ABCA1: variants seen among roughly 807,000 people sequenced by gnomAD.
ABCA1 encodes ATP binding cassette subfamily A member 1, also known as phospholipid-transporting ATPase ABCA1.
Under a neutral mutation model 262.5 loss-of-function variants are expected in ABCA1, and 133 were observed. That is an observed-to-expected ratio of 0.51 (90% confidence interval 0.44 to 0.59). The LOEUF (loss-of-function observed/expected upper bound fraction) is 0.59, where lower values mean the gene tolerates loss of function less well. Ranked by LOEUF, ABCA1 falls within the 20% of genes least tolerant of loss-of-function variation. The probability of loss-of-function intolerance (pLI) is 0.00; values close to 1 mark genes in which losing one functional copy is unlikely to be tolerated. For synonymous variants in ABCA1, 1,022 were observed against 1,043.5 expected (o/e 0.98, Z 0.40); for missense variants, 2,452 against 2,777.5 (o/e 0.88, Z 2.63).
intron 40 of ABCA1, among the ~76,000 whole-genome samples, chr9:104,793,611 G>C (rs944900218): frequency 6.6e-6 from 1 of 151,768 alleles, no homozygotes; most frequent in East Asian, 1.9e-4. Context: ...AAAGGCAAAC[G>C]ACCCAAGTAA....
chr9:104,810,522 G>C (rs1230914604), intron 29 of ABCA1, among the ~76,000 whole-genome samples: 1 of 152,080 alleles, frequency 6.6e-6, no homozygotes, highest in Non-Finnish European at 1.5e-5. Flanking sequence ...ATGGATTTTT[G>C]CAAGGGTGGA....
chr9:104,791,317 A>G (rs189109119), intron 43 of ABCA1, among the ~76,000 whole-genome samples: 16 of 152,372 alleles, frequency 1.1e-4, no homozygotes, highest in Admixed American at 1.0e-3. Flanking sequence ...TACTCTGGCA[A>G]AAGGGCATAA....
At chr9:104,803,560 C>T (rs202180259) in intron 32 of ABCA1, among the ~76,000 whole-genome samples, 11 of 152,156 alleles carry the variant, frequency 7.2e-5, no homozygotes, top group African/African-American at 1.9e-4. Flanking sequence ...AACCAATTTA[C>T]AAACCACCTT....
At chr9:104,902,990 T>G (rs1840789261) in intron 2 of ABCA1, among the ~76,000 whole-genome samples, 1 of 152,156 alleles carries the variant, frequency 6.6e-6, no homozygotes, top group African/African-American at 2.4e-5. Context: ...ACGTCTGAGT[T>G]TCAGGGAGTT....
chr9:104,813,860 TAATA>T (rs1279000873), intron 27 of ABCA1, among the ~76,000 whole-genome samples: 1 of 152,230 alleles, frequency 6.6e-6, no homozygotes, highest in East Asian at 1.9e-4. Flanking sequence ...GCAGAAAAGA[TAATA>T]AATACATGGG....
At chr9:104,866,627 A>G (rs955544848) in intron 5 of ABCA1, among the ~76,000 whole-genome samples, 1 of 151,836 alleles carries the variant, frequency 6.6e-6, no homozygotes, top group Non-Finnish European at 1.5e-5. Context: ...GATTACAGGC[A>G]CCCGCCATCA....
intron 8 of ABCA1, 44 bp from the exon 9 acceptor site, chr9:104,840,563 G>C (rs752212181): frequency 6.3e-7 from 1 of 1,584,548 alleles, no homozygotes. Flanking sequence ...GGGGAAGGGA[G>C]AAAAGGGCAG....
chr9:104,813,274 T>G (rs1240145689), intron 27 of ABCA1, among the ~76,000 whole-genome samples: 4 of 152,226 alleles, frequency 2.6e-5, no homozygotes, highest in Non-Finnish European at 5.9e-5. Flanking sequence ...TTCCTAAAAA[T>G]TTTCTAGAAA....
chr9:104,787,717 T>C (rs1829050246), intron 46 of ABCA1: 1 of 445,764 alleles, frequency 2.2e-6, no homozygotes, highest in South Asian at 9.6e-5. Flanking sequence ...GGAGTGCCTC[T>C]ATTTGGGAGC....
chr9:104,818,327 GT>G (rs1422528804), intron 23 of ABCA1, among the ~76,000 whole-genome samples: 2 of 152,182 alleles, frequency 1.3e-5, no homozygotes, highest in Non-Finnish European at 2.9e-5. Context: ...AGATTGAAAA[GT>G]AATGAGCAGG....
At chr9:104,850,812 C>T (rs1835313629) in intron 7 of ABCA1, among the ~76,000 whole-genome samples, 1 of 152,236 alleles carries the variant, frequency 6.6e-6, no homozygotes, top group African/African-American at 2.4e-5. Context: ...TAACCAAAAA[C>T]ATTCTCTTGG....
intron 1 of ABCA1, among the ~76,000 whole-genome samples, chr9:104,904,458 C>T (rs567326110): frequency 2.2e-4 from 33 of 151,208 alleles, no homozygotes; most frequent in Non-Finnish European, 4.3e-4. Context: ...GTCCCAGCTA[C>T]TTGGGAGGCT....
chr9:104,889,166 A>C lies in ABCA1; in HGVS notation c.96T>G (p.Pro32=), dbSNP rs1839480284. Residue 32 remains proline, a synonymous_variant, in exon 3 of 50, where the codon CCT becomes CCG. Transcript: ENST00000374736. ...TCQLLLEVAW[P]LFIFLILISV... The stretch of plus-strand genomic sequence containing the variant: ...AGATCAGGATCAGGAAGATAAATAG[A>C]GGCCAGGCCACTTCCAGCAGCAGCT... The C allele has an allele frequency of 1.2e-6, 2 of 1,614,220 alleles. No homozygotes were observed. Among genetic ancestry groups the C allele is most frequent in the Middle Eastern group, 1.6e-4 (1 of 6,062 alleles).
At chr9:104,788,694 T>C in intron 44 of ABCA1, 127 bp from the exon 45 acceptor site, 1 of 1,227,250 alleles carries the variant, frequency 8.1e-7, no homozygotes, top group Non-Finnish European at 1.2e-6. Flanking sequence ...TGCTGCTACT[T>C]GAAAGCACAG....
chr9:104,890,839 G>A (rs2118341363), intron 2 of ABCA1, among the ~76,000 whole-genome samples: 1 of 152,206 alleles, frequency 6.6e-6, no homozygotes, highest in South Asian at 2.1e-4. Context: ...ATACAGAAAA[G>A]TTTAAAAAGG....
rs1564098311 is a variant in ABCA1, at chr9:104,802,198, G to T, written c.4593-39C>A. 5 of 1,551,354 alleles carry T rather than the reference G, an allele frequency of 3.2e-6. No individual in the cohort carries two copies. The South Asian group carries it at 3.3e-5, about 10-fold the overall frequency. On this transcript the variant is annotated intron_variant, in intron 33 of 49. Coordinates refer to ENST00000374736, the MANE Select transcript of ABCA1 (RefSeq NM_005502.4). ...CTGACATTAAAACCCAGACAGTGGG[G>T]TGCACAGTATCATCAGCAGCAGACT...
At chr9:104,804,577 C>T (rs1230782879) in intron 32 of ABCA1, 49 bp downstream of exon 32, 1 of 1,417,112 alleles carries the variant, frequency 7.1e-7, no homozygotes, top group African/African-American at 1.4e-5. Context: ...GTCTTTAATT[C>T]CTCTAATTAG....
At chr9:104,824,785 G>A (rs1382577656) in intron 17 of ABCA1, among the ~76,000 whole-genome samples, 1 of 152,174 alleles carries the variant, frequency 6.6e-6, no homozygotes, top group Non-Finnish European at 1.5e-5. Flanking sequence ...AACAACCCAC[G>A]GGGCAGGTGC....
intron 27 of ABCA1, 120 bp downstream of exon 27, chr9:104,813,998 T>C: frequency 9.7e-7 from 1 of 1,031,726 alleles, no homozygotes; most frequent in Non-Finnish European, 1.5e-6. Flanking sequence ...CTCACTTCTC[T>C]TTGGACTCTG....
Sources: gnomAD v4.1 joint callset for allele counts (sites outside exome capture counted in the v4.1 genomes callset) on GRCh38, gnomAD v4.1.1 for gene constraint, MANE v1.5 for transcripts, NCBI Gene and HGNC (gene_info 2026-07-23, HGNC 2026-07-21) for gene names.